The following RCAN3 variants were observed in gnomAD, a reference collection of about 807,000 sequenced individuals.
The protein encoded by RCAN3 is regulator of calcineurin 3, also known as calcipressin-3.
Under a neutral mutation model 21.9 loss-of-function variants are expected in RCAN3, and 19 were observed. That is an observed-to-expected ratio of 0.87 (90% CI 0.61 to 1.27). RCAN3 has a LOEUF of 1.27. Ranked by LOEUF, RCAN3 falls within the 50% of genes most tolerant of loss-of-function variation. The probability of loss-of-function intolerance (pLI) is 0.00; values close to 1 mark genes in which losing one functional copy is unlikely to be tolerated. For missense variants in RCAN3, 240 were observed against 300.1 expected (o/e 0.80, Z 1.48); for synonymous variants, 114 against 112.3 (o/e 1.01, Z -0.09).
chr1:24,508,196 T>C (rs1647593452), intron 1 of RCAN3, among the ~76,000 whole-genome samples: 1 of 152,246 alleles, frequency 6.6e-6, no homozygotes, highest in Non-Finnish European at 1.5e-5. Context: ...AATTTGAATG[T>C]ACCCATATGG....
At chr1:24,512,495 ACCAAG>A (rs1414363548) in intron 1 of RCAN3, among the ~76,000 whole-genome samples, 1 of 152,178 alleles carries the variant, frequency 6.6e-6, no homozygotes, top group Non-Finnish European at 1.5e-5. Flanking sequence ...ACTCCCCAAC[ACCAAG>A]CAGTAGGCAC....
chr1:24,528,086 A>T (rs1649416473), intron 2 of RCAN3, among the ~76,000 whole-genome samples: 1 of 152,154 alleles, frequency 6.6e-6, no homozygotes, highest in African/African-American at 2.4e-5. Flanking sequence ...TAGTCCCAGT[A>T]TGAATTTTGA....
chr1:24,533,994 G>A (rs1162898050), intron 4 of RCAN3, among the ~76,000 whole-genome samples: 1 of 152,120 alleles, frequency 6.6e-6, no homozygotes, highest in Non-Finnish European at 1.5e-5. Flanking sequence ...GGAATTGGTG[G>A]TGATATCATC....
intron 2 of RCAN3, among the ~76,000 whole-genome samples, chr1:24,523,641 C>CACACACACAT (rs924247100): frequency 2.8e-5 from 4 of 141,662 alleles, no homozygotes; most frequent in African/African-American, 1.0e-4. Context: ...CACACACACA[C>CACACACACAT]ATATATATTT....
intron 2 of RCAN3, among the ~76,000 whole-genome samples, chr1:24,521,383 G>T (rs1310396727): frequency 6.6e-6 from 1 of 152,098 alleles, no homozygotes; most frequent in Non-Finnish European, 1.5e-5. Context: ...TGGAAACGTA[G>T]TGAGACCCCA....
intron 2 of RCAN3, among the ~76,000 whole-genome samples, chr1:24,523,648 A>T (rs551629928): frequency 1.9e-4 from 26 of 139,794 alleles, no homozygotes; most frequent in South Asian, 1.1e-3. Flanking sequence ...ACACATATAT[A>T]TTTTTTTTCT....
chr1:24,504,919 T>G (rs1647311301), intron 1 of RCAN3, among the ~76,000 whole-genome samples: 1 of 152,230 alleles, frequency 6.6e-6, no homozygotes, highest in Admixed American at 6.5e-5. Context: ...TTTATTTCTA[T>G]CTGTCTCTTG....
At chr1:24,515,318 T>C (rs1648217199) in intron 2 of RCAN3, among the ~76,000 whole-genome samples, 1 of 152,228 alleles carries the variant, frequency 6.6e-6, no homozygotes, top group Non-Finnish European at 1.5e-5. Context: ...GATTTTGTCG[T>C]AACAAAATTG....
intron 1 of RCAN3, among the ~76,000 whole-genome samples, chr1:24,509,222 T>G (rs1647697356): frequency 1.3e-5 from 2 of 152,206 alleles, no homozygotes; most frequent in African/African-American, 4.8e-5. Flanking sequence ...GATCTTGCCT[T>G]GAGGTTGATG....
intron 2 of RCAN3, among the ~76,000 whole-genome samples, chr1:24,528,282 GGAAAT>G (rs1232887477): frequency 6.7e-6 from 1 of 148,358 alleles, no homozygotes; most frequent in African/African-American, 2.5e-5. Flanking sequence ...AAAAGAAAAA[GGAAAT>G]GAACACAGAA....
chr1:24,502,691 G>A (rs1364206706), upstream of RCAN3, among the ~76,000 whole-genome samples: 5 of 151,662 alleles, frequency 3.3e-5, no homozygotes, highest in Admixed American at 6.6e-5. Flanking sequence ...ACAGGCTGGG[G>A]ACCAGGAACC....
In RCAN3 at chr1:24,539,191, C is replaced by T. The variant is rs1650384465; in HGVS notation, c.*3914C>T. The T allele has an allele frequency of 6.6e-6, 1 of 151,108 alleles. No individual in the cohort carries two copies. The allele number at this position is 151,108 out of a possible 1,614,324, so 9.4% of individuals were successfully genotyped here. ...CTAGGGCTTTTTCTACCTTTTTTTG[C>T]ATTGGCCTCTTAAAGAGGCAATGAA... is the stretch of plus-strand genomic sequence containing the variant. On this transcript the variant is annotated 3_prime_UTR_variant, in exon 5 of 5. Coordinates refer to ENST00000374395, the MANE Select transcript of RCAN3 (RefSeq NM_013441.4).
At chr1:24,506,293 T>C (rs1647439521) in intron 1 of RCAN3, among the ~76,000 whole-genome samples, 1 of 152,024 alleles carries the variant, frequency 6.6e-6, no homozygotes, top group Admixed American at 6.6e-5. Flanking sequence ...AATATAGATA[T>C]CTTGGGACAA....
chr1:24,507,567 G>A (rs1369086019), intron 1 of RCAN3: 1 of 152,202 alleles, frequency 6.6e-6, no homozygotes, highest in African/African-American at 2.4e-5. Context: ...CAATGTAAGT[G>A]TATAACAGAA....
rs1169572879 is a variant in RCAN3, at chr1:24,533,244, A to G, written c.531A>G (p.Lys177=). The G allele has an allele frequency of 6.4e-7, 1 of 1,551,054 alleles. No individual in the cohort carries two copies. Among genetic ancestry groups the G allele is most frequent in the Non-Finnish European group, 8.7e-7 (1 of 1,153,626 alleles). Residue 177 remains lysine (K), a synonymous_variant, in exon 4 of 5, where the codon AAA becomes AAG. Transcript: ENST00000374395. The part of the protein sequence containing the change: ...INYDLLCAVS[K]LGPGEKYELH... The stretch of plus-strand genomic sequence containing the variant: ...ATGATTTACTCTGTGCTGTTTCCAA[A>G]TTGGGACCAGGTAATAAACTTCTAT...
At chr1:24,532,733 A>C (rs546710555) in intron 3 of RCAN3, among the ~76,000 whole-genome samples, 2 of 150,786 alleles carry the variant, frequency 1.3e-5, no homozygotes, top group African/African-American at 4.9e-5. Context: ...CGGATGATGA[A>C]GTCAGGAGAT....
chr1:24,512,564 G>C (rs1367474962), intron 1 of RCAN3, among the ~76,000 whole-genome samples: 2 of 152,104 alleles, frequency 1.3e-5, no homozygotes, highest in Non-Finnish European at 2.9e-5. Flanking sequence ...AAGTAGTCTT[G>C]ATTGATATTG....
rs1185144969 is a variant in RCAN3 at position 24,539,591 on chromosome 1, G to T, written c.*4314G>T. The T allele has an allele frequency of 6.6e-6, 1 of 152,236 alleles. No homozygotes were observed. Among genetic ancestry groups the T allele is most frequent in the Non-Finnish European group, 1.5e-5 (1 of 68,046 alleles). The allele number at this position is 152,236 out of a possible 1,614,324, so 9.4% of individuals were successfully genotyped here. A position where few individuals can be genotyped will look rare whatever the true frequency, so the allele number is the denominator to read the frequency against. On this transcript the variant is annotated 3_prime_UTR_variant, in exon 5 of 5. Coordinates refer to ENST00000374395, the MANE Select transcript of RCAN3 (RefSeq NM_013441.4). Reference sequence around the variant, plus strand: ...GGAATGATACTCTCACTCCGTGCTTGTAAAATTGAGTTCTATTCAAGACGG... The same window carrying T: ...GGAATGATACTCTCACTCCGTGCTTTTAAAATTGAGTTCTATTCAAGACGG...
At position 24,530,356 on chromosome 1, in the gene RCAN3, C is replaced by CAAAAAAAAAAAAAAAA. The variant is rs56914359; in HGVS notation, c.196-854_196-839dup. Among the ~76,000 whole-genome samples the CAAAAAAAAAAAAAAAA allele has an allele frequency of 7.7e-4, 63 of 81,478 alleles. 1 individual carries two copies. Among genetic ancestry groups the CAAAAAAAAAAAAAAAA allele is most frequent in the African/African-American group, 9.9e-4 (20 of 20,304 alleles). The allele number at this position is 81,478 out of a possible 152,430, so 53.5% of individuals were successfully genotyped here. On this transcript the variant is annotated intron_variant, in intron 2 of 4. Transcript: ENST00000374395. ...GGCAACAGAGTGAGACTCTTATCTC[C>CAAAAAAAAAAAAAAAA]AAAAAAAAAAAAAAAAAAAAAAAGA...
Sources: gnomAD v4.1 joint callset for allele counts (sites outside exome capture counted in the v4.1 genomes callset) on GRCh38, gnomAD v4.1.1 for gene constraint, MANE v1.5 for transcripts, NCBI Gene and HGNC (gene_info 2026-07-23, HGNC 2026-07-21) for gene names.